Variants in CADM2 observed in about 807,000 individuals in gnomAD.
The protein encoded by CADM2 is cell adhesion molecule 2, also known as immunoglobulin superfamily member 4D.
A neutral mutation model predicts 49.8 loss-of-function variants in CADM2; 12 were observed. That is an observed-to-expected ratio of 0.24 (90% CI 0.15 to 0.39). The LOEUF is 0.39. Ranked by LOEUF, CADM2 falls within the 10% of genes least tolerant of loss-of-function variation. CADM2 has a pLI of 1.00. For missense variants in CADM2, 378 were observed against 492.3 expected (o/e 0.77, Z 2.20); for synonymous variants, 214 against 175.4 (o/e 1.22, Z -1.74).
chr3:85,514,790 T>C (rs533648931), intron 1 of CADM2, among the ~76,000 whole-genome samples: 1 of 152,254 alleles, frequency 6.6e-6, no homozygotes, highest in South Asian at 2.1e-4. Context: ...AGCTTGAAAT[T>C]AACTTTTCTT....
chr3:85,789,786 A>G lies in CADM2; in HGVS notation c.89-12261A>G, dbSNP rs77681698. On this transcript the variant is annotated intron_variant, in intron 2 of 9. Transcript: ENST00000383699. The stretch of plus-strand genomic sequence containing the variant: ...AAATCTATTTTTGTTATGAAGCCAT[A>G]TATTCGTATTTATTCTATTTGACTA... 9.6e-3 allele frequency among the ~76,000 whole-genome samples: 1,467 copies of G among 152,264 alleles called. 12 individuals are homozygous for G. The highest frequency in any genetic ancestry group is 0.027 in the South Asian group (128 of 4,818).
intron 5 of CADM2, among the ~76,000 whole-genome samples, chr3:85,905,143 G>A (rs1017593935): frequency 2.6e-5 from 4 of 152,020 alleles, no homozygotes; most frequent in Non-Finnish European, 4.4e-5. Flanking sequence ...GTGAATGCCT[G>A]AACTCCCAAC....
chr3:85,878,577 T>A (rs970608842), intron 3 of CADM2, among the ~76,000 whole-genome samples: 10 of 152,144 alleles, frequency 6.6e-5, no homozygotes, highest in African/African-American at 9.6e-5. Context: ...ACATTCTCCA[T>A]GATATCATTC....
intron 1 of CADM2, among the ~76,000 whole-genome samples, chr3:85,039,638 C>T (rs1012152756): frequency 2.0e-5 from 3 of 152,084 alleles, no homozygotes; most frequent in African/African-American, 7.2e-5. Flanking sequence ...TCTTTTTAGT[C>T]CCATGTATAC....
At chr3:85,099,916 A>T (rs186097152) in intron 1 of CADM2, among the ~76,000 whole-genome samples, 1 of 152,302 alleles carries the variant, frequency 6.6e-6, no homozygotes, top group East Asian at 1.9e-4. Flanking sequence ...ACATAAAACC[A>T]TATCTATCAT....
Position 85,497,907 on chromosome 3 carries a change from A to G in CADM2, c.62-228615A>G, listed in dbSNP as rs575669910. ...TATTTGTGTGTGTGTTTGTATATATATAAATATATATACATATACACAGTC... is the reference window on the plus strand; with the variant it reads ...TATTTGTGTGTGTGTTTGTATATATGTAAATATATATACATATACACAGTC... On this transcript the variant is annotated intron_variant, in intron 1 of 9. Transcript: ENST00000383699. Among the ~76,000 whole-genome samples, 7 of 152,064 alleles carry G rather than the reference A, an allele frequency of 4.6e-5. No individual in the cohort carries two copies. The South Asian group carries it at 1.5e-3, about 32-fold the overall frequency.
In CADM2 at chr3:85,013,154, A is replaced by AAAC. The variant is rs1553668834; in HGVS notation, c.61+53488_61+53489insCAA. Among the ~76,000 whole-genome samples the AAAC allele has an allele frequency of 2.6e-3, 388 of 151,914 alleles. 4 individuals are homozygous for AAAC. Among genetic ancestry groups the AAAC allele is most frequent in the African/African-American group, 9.1e-3 (379 of 41,496 alleles). ...TTGCACTGGAAATTAAAAAAAAAAA[A>AAAC]AAAATACCAAATTATGGAGAAGGAA... On this transcript the variant is annotated intron_variant, in intron 1 of 9. Transcript: ENST00000383699.
At position 85,846,945 on chromosome 3, in the gene CADM2, C is replaced by T. The variant is rs553405124; in HGVS notation, c.239-36346C>T. ...GAATATGATGACAAGCATAGAGCCC[C>T]ACCAAAATGAGTGTAGGATTAAGAT... On this transcript the variant is annotated intron_variant, in intron 3 of 9. Coordinates refer to ENST00000383699, the MANE Select transcript of CADM2 (RefSeq NM_001167675.2). Among the ~76,000 whole-genome samples, 3 of 152,270 alleles carry T rather than the reference C, an allele frequency of 2.0e-5. No individual in the cohort carries two copies. In the South Asian group the frequency reaches 6.2e-4, roughly 32 times the overall value.
intron 1 of CADM2, among the ~76,000 whole-genome samples, chr3:85,562,795 C>A (rs2062137192): frequency 6.6e-6 from 1 of 152,130 alleles, no homozygotes; most frequent in Non-Finnish European, 1.5e-5. Context: ...TTGCACTTAC[C>A]TGACCCATTT....
chr3:85,985,423 T>C (rs556222638), intron 8 of CADM2, among the ~76,000 whole-genome samples: 1 of 152,068 alleles, frequency 6.6e-6, no homozygotes, highest in South Asian at 2.1e-4. Context: ...CAGGAGGACA[T>C]TTGTGTCCTC....
intron 1 of CADM2, among the ~76,000 whole-genome samples, chr3:85,250,788 A>G (rs1233186753): frequency 6.6e-6 from 1 of 151,790 alleles, no homozygotes; most frequent in East Asian, 1.9e-4. Flanking sequence ...AAATGGAATC[A>G]TAGATAATAC....
intron 1 of CADM2, among the ~76,000 whole-genome samples, chr3:85,526,637 T>C (rs2061164699): frequency 6.6e-6 from 1 of 152,114 alleles, no homozygotes; most frequent in African/African-American, 2.4e-5. Flanking sequence ...AATTAATAAT[T>C]CCAAGCTTAT....
At chr3:85,835,038 G>A (rs530945142) in intron 3 of CADM2, among the ~76,000 whole-genome samples, 1 of 151,484 alleles carries the variant, frequency 6.6e-6, no homozygotes, top group Non-Finnish European at 1.5e-5. Flanking sequence ...GAAGTATGAC[G>A]GTCTCTTGAT....
chr3:86,037,617 C>T (rs1464108111), intron 8 of CADM2, among the ~76,000 whole-genome samples: 4 of 152,068 alleles, frequency 2.6e-5, no homozygotes, highest in Non-Finnish European at 4.4e-5. Context: ...ACCTGAAAGG[C>T]TAGGTTTTAC....
intron 1 of CADM2, among the ~76,000 whole-genome samples, chr3:85,281,499 G>A (rs978535485): frequency 2.0e-5 from 3 of 152,086 alleles, no homozygotes; most frequent in African/African-American, 7.2e-5. Context: ...ATCTAATAGA[G>A]TAAAACATTT....
intron 1 of CADM2, among the ~76,000 whole-genome samples, chr3:85,321,393 C>T (rs948624954): frequency 6.6e-5 from 10 of 151,310 alleles, no homozygotes; most frequent in Middle Eastern, 6.8e-3. Context: ...TCATGTTGGC[C>T]AGGCTGGTCT....
At chr3:85,041,984 G>C (rs1329849097) in intron 1 of CADM2, among the ~76,000 whole-genome samples, 1 of 152,128 alleles carries the variant, frequency 6.6e-6, no homozygotes, top group Non-Finnish European at 1.5e-5. Flanking sequence ...GGAGAAAAAA[G>C]GCTTGTTTCA....
chr3:85,486,473 T>A (rs1460665877), intron 1 of CADM2, among the ~76,000 whole-genome samples: 4 of 152,280 alleles, frequency 2.6e-5, no homozygotes. Flanking sequence ...CCGACATAAA[T>A]GCCTAAGTGA....
At chr3:86,057,811 G>A (rs1042119341) in intron 8 of CADM2, among the ~76,000 whole-genome samples, 4 of 152,044 alleles carry the variant, frequency 2.6e-5, no homozygotes, top group Non-Finnish European at 5.9e-5. Flanking sequence ...GCATGGATGG[G>A]CATTGGATTC....
Sources: allele counts gnomAD v4.1 joint callset (sites outside exome capture counted in the v4.1 genomes callset), GRCh38; gene constraint gnomAD v4.1.1; transcripts MANE v1.5; gene names NCBI Gene and HGNC (gene_info 2026-07-23, HGNC 2026-07-21).